NELL1: variants seen among roughly 807,000 people sequenced by gnomAD.
The protein encoded by NELL1 is protein kinase C-binding protein NELL1.
NELL1 carries 76 observed loss-of-function variants against 107.4 expected under a neutral mutation model. The ratio of observed to expected loss-of-function variants is 0.71; its 90% CI spans 0.59 to 0.86. NELL1 has a LOEUF of 0.86. Ranked by LOEUF, NELL1 falls within the 40% of genes least tolerant of loss-of-function variation. The pLI, the probability that NELL1 is intolerant of heterozygous loss-of-function variation, is 0.00. For missense variants in NELL1, 1,024 were observed against 1,005.5 expected (o/e 1.02, Z -0.25); for synonymous variants, 353 against 341.2 (o/e 1.03, Z -0.38).
intron 15 of NELL1, among the ~76,000 whole-genome samples, chr11:21,388,868 T>A (rs751586991): frequency 1.3e-5 from 2 of 151,880 alleles, no homozygotes; most frequent in South Asian, 2.1e-4. Flanking sequence ...ACCAACAGTT[T>A]GGAAATTTCT....
At chr11:21,151,746 T>A (rs926675460) in intron 13 of NELL1, among the ~76,000 whole-genome samples, 38 of 152,352 alleles carry the variant, frequency 2.5e-4, no homozygotes, top group African/African-American at 9.1e-4. Flanking sequence ...TTGCTTAACC[T>A]TTCTAAGCTG....
chr11:21,088,654 T>C (rs1184330737), intron 12 of NELL1, among the ~76,000 whole-genome samples: 1 of 152,220 alleles, frequency 6.6e-6, no homozygotes, highest in Admixed American at 6.5e-5. Flanking sequence ...TTTTTTTAGC[T>C]GCGAAGTGAG....
chr11:21,224,511 A>G (rs904582453), intron 13 of NELL1, among the ~76,000 whole-genome samples: 24 of 151,966 alleles, frequency 1.6e-4, no homozygotes, highest in African/African-American at 5.1e-4. Flanking sequence ...ATGTGCCACC[A>G]TGCCCAGCCT....
At chr11:21,189,008 T>C (rs1305208293) in intron 13 of NELL1, among the ~76,000 whole-genome samples, 1 of 151,908 alleles carries the variant, frequency 6.6e-6, no homozygotes, top group Non-Finnish European at 1.5e-5. Flanking sequence ...TCTATGTCCC[T>C]ATATTTAAAA....
intron 12 of NELL1, among the ~76,000 whole-genome samples, chr11:21,005,386 C>T (rs1480369905): frequency 6.6e-6 from 1 of 152,166 alleles, no homozygotes; most frequent in African/African-American, 2.4e-5. Context: ...GTGGTTTTAT[C>T]TCAGGCTACA....
intron 15 of NELL1, among the ~76,000 whole-genome samples, chr11:21,438,438 A>G (rs1286901584): frequency 1.3e-5 from 2 of 152,138 alleles, no homozygotes; most frequent in African/African-American, 4.8e-5. Context: ...TGTGACTCAG[A>G]GAGAACTTTT....
intron 15 of NELL1, among the ~76,000 whole-genome samples, chr11:21,475,884 T>C (rs10833546): frequency 0.32 from 48,575 of 152,130 alleles, 9,169 homozygotes; most frequent in Middle Eastern, 0.44. Flanking sequence ...AAGCCAGGAT[T>C]CAGTGACCTC....
At chr11:21,084,629 A>T (rs1214052807) in intron 12 of NELL1, among the ~76,000 whole-genome samples, 1 of 152,108 alleles carries the variant, frequency 6.6e-6, no homozygotes, top group Non-Finnish European at 1.5e-5. Flanking sequence ...GAATAGAGGC[A>T]CCAGGGGCAT....
intron 12 of NELL1, among the ~76,000 whole-genome samples, chr11:20,973,413 G>A (rs539182423): frequency 2.0e-5 from 3 of 152,054 alleles, no homozygotes; most frequent in Admixed American, 6.6e-5. Flanking sequence ...CAGCCTCTTC[G>A]TTACTTTTTC....
chr11:20,839,252 A>C (rs1590339720), intron 3 of NELL1, among the ~76,000 whole-genome samples: 1 of 152,344 alleles, frequency 6.6e-6, no homozygotes, highest in East Asian at 1.9e-4. Flanking sequence ...AAAGAGCCTG[A>C]ATTTTACATT....
intron 15 of NELL1, among the ~76,000 whole-genome samples, chr11:21,509,719 T>C (rs1855386036): frequency 6.6e-6 from 1 of 152,152 alleles, no homozygotes; most frequent in South Asian, 2.1e-4. Context: ...GAAGATGTCA[T>C]CAGATAGACA....
intron 14 of NELL1, among the ~76,000 whole-genome samples, chr11:21,324,694 A>G (rs957001011): frequency 1.3e-5 from 2 of 152,042 alleles, no homozygotes; most frequent in East Asian, 3.9e-4. Flanking sequence ...GAAATATTGA[A>G]CTGGTACTTC....
At chr11:21,012,141 C>T (rs550253499) in intron 12 of NELL1, among the ~76,000 whole-genome samples, 67 of 152,134 alleles carry the variant, frequency 4.4e-4, no homozygotes, top group Non-Finnish European at 5.6e-4. Context: ...CCACTGCAGC[C>T]GCTCTACTTT....
chr11:21,208,301 T>C (rs1857430526), intron 13 of NELL1, among the ~76,000 whole-genome samples: 1 of 151,928 alleles, frequency 6.6e-6, no homozygotes, highest in African/African-American at 2.4e-5. Flanking sequence ...ATGAGTAAAA[T>C]ACATAGTATG....
At chr11:21,220,434 A>G (rs1857726083) in intron 13 of NELL1, among the ~76,000 whole-genome samples, 1 of 152,102 alleles carries the variant, frequency 6.6e-6, no homozygotes, top group Non-Finnish European at 1.5e-5. Flanking sequence ...ATTAATAGCT[A>G]TTGCATTGAA....
chr11:21,085,181 T>C (rs752332361), intron 12 of NELL1, among the ~76,000 whole-genome samples: 1 of 152,290 alleles, frequency 6.6e-6, no homozygotes, highest in South Asian at 2.1e-4. Context: ...ATTCTGAGTA[T>C]TGGGGGGCAC....
At chr11:21,155,735 G>T (rs1355790204) in intron 13 of NELL1, among the ~76,000 whole-genome samples, 3 of 152,122 alleles carry the variant, frequency 2.0e-5, no homozygotes, top group African/African-American at 7.2e-5. Context: ...AGTGAAGATA[G>T]CAAGTGTAAG....
chr11:21,193,742 T>G (rs1857094430), intron 13 of NELL1, among the ~76,000 whole-genome samples: 1 of 151,910 alleles, frequency 6.6e-6, no homozygotes, highest in Admixed American at 6.6e-5. Context: ...TTTTTCCTTT[T>G]GAGTGACAGG....
chr11:21,528,506 TA>T (rs1855911758), intron 15 of NELL1, among the ~76,000 whole-genome samples: 2 of 57,882 alleles, frequency 3.5e-5, no homozygotes, highest in African/African-American at 1.1e-4. Flanking sequence ...TCTTTGCACA[TA>T]CCCACCCCCC....
Sources: gnomAD v4.1 joint callset for allele counts (sites outside exome capture counted in the v4.1 genomes callset) on GRCh38, gnomAD v4.1.1 for gene constraint, MANE v1.5 for transcripts, NCBI Gene and HGNC (gene_info 2026-07-23, HGNC 2026-07-21) for gene names.